PPP2R2D: variants seen among roughly 807,000 people sequenced by gnomAD.
PPP2R2D encodes serine/threonine-protein phosphatase 2A 55 kDa regulatory subunit B delta isoform.
A neutral mutation model predicts 31.1 loss-of-function variants in PPP2R2D; 9 were observed. The ratio of observed to expected loss-of-function variants is 0.29; its 90% CI spans 0.17 to 0.51. The LOEUF (loss-of-function observed/expected upper bound fraction) is 0.51, where lower values mean the gene tolerates loss of function less well. Ranked by LOEUF, PPP2R2D falls within the 20% of genes least tolerant of loss-of-function variation. PPP2R2D has a pLI of 0.98. For synonymous variants in PPP2R2D, 179 were observed against 172.6 expected (o/e 1.04, Z -0.29); for missense variants, 391 against 465.6 (o/e 0.84, Z 1.48).
chr10:131,965,012 G>A, the PPP2R2D span, among the ~76,000 whole-genome samples: 51 of 152,184 alleles, frequency 3.4e-4, no homozygotes, highest in Non-Finnish European at 6.2e-4. Flanking sequence ...GAGCAGTTAT[G>A]TGTTTTTCTT....
intron 2 of PPP2R2D, among the ~76,000 whole-genome samples, chr10:131,914,320 A>T (rs1554892782): frequency 6.6e-6 from 1 of 152,222 alleles, no homozygotes; most frequent in East Asian, 1.9e-4. Flanking sequence ...TGATCACACC[A>T]CTGCATTCCA....
chr10:131,910,464 A>T (rs1364796144), intron 2 of PPP2R2D, among the ~76,000 whole-genome samples: 1 of 152,234 alleles, frequency 6.6e-6, no homozygotes, highest in Non-Finnish European at 1.5e-5. Context: ...GGATTTTATC[A>T]TTGGTAACAA....
At chr10:131,929,068 A>G (rs1380639110) in intron 2 of PPP2R2D, among the ~76,000 whole-genome samples, 1 of 152,176 alleles carries the variant, frequency 6.6e-6, no homozygotes, top group Non-Finnish European at 1.5e-5. Context: ...CTCCAGATGC[A>G]GTTTCTGGAT....
chr10:131,951,961 G>C (rs1209583108), intron 8 of PPP2R2D, among the ~76,000 whole-genome samples: 1 of 152,138 alleles, frequency 6.6e-6, no homozygotes, highest in African/African-American at 2.4e-5. Context: ...GTGCAGGGGG[G>C]TCCCTGTCTT....
chr10:131,953,986 G>A (rs955562817), intron 8 of PPP2R2D, among the ~76,000 whole-genome samples: 5 of 152,188 alleles, frequency 3.3e-5, no homozygotes, highest in African/African-American at 7.2e-5. Context: ...TGAGGGATGC[G>A]ATGAAGGGGA....
At chr10:131,954,558 G>A (rs1554899612) in intron 8 of PPP2R2D, among the ~76,000 whole-genome samples, 1 of 152,170 alleles carries the variant, frequency 6.6e-6, no homozygotes, top group African/African-American at 2.4e-5. Context: ...GGCGCTGTGG[G>A]CTCCTGGATG....
At chr10:131,925,237 G>A (rs2036082241) in intron 2 of PPP2R2D, among the ~76,000 whole-genome samples, 1 of 152,126 alleles carries the variant, frequency 6.6e-6, no homozygotes, top group Admixed American at 6.5e-5. Context: ...CTGCTTTTAG[G>A]GGAAAAGCCT....
intron 5 of PPP2R2D, among the ~76,000 whole-genome samples, chr10:131,942,758 G>T (rs2036463432): frequency 6.6e-6 from 1 of 152,118 alleles, no homozygotes; most frequent in Non-Finnish European, 1.5e-5. Context: ...ATAAAAGAAG[G>T]AATCTTTGTA....
chr10:131,936,747 T>C (rs2036348295), intron 3 of PPP2R2D, among the ~76,000 whole-genome samples: 1 of 152,190 alleles, frequency 6.6e-6, no homozygotes, highest in Non-Finnish European at 1.5e-5. Flanking sequence ...GTTATGTGAG[T>C]GACAGATTTA....
downstream of PPP2R2D, among the ~76,000 whole-genome samples, chr10:131,960,587 G>A (rs1366767888): frequency 1.3e-5 from 2 of 152,144 alleles, no homozygotes; most frequent in East Asian, 3.9e-4. Context: ...AGTGCCAGAA[G>A]CCTCCCAAAG....
In PPP2R2D at chr10:131,947,458, T is replaced by C; in HGVS notation, c.821-72T>C. The C allele has an allele frequency of 6.6e-7, 1 of 1,512,678 alleles. No homozygotes were observed. Among genetic ancestry groups the C allele is most frequent in the Non-Finnish European group, 8.9e-7 (1 of 1,122,298 alleles). The allele number at this position is 1,512,678 out of a possible 1,614,324, so 93.7% of individuals were successfully genotyped here. ...GAGTCTCTCTGAAGGGGCCACTTCC[T>C]ACTTGAACTTGAAAATGATTTGTTC... On this transcript the variant is annotated intron_variant, in intron 7 of 8. Coordinates refer to ENST00000455566, the MANE Select transcript of PPP2R2D (RefSeq NM_018461.5). The surrounding 1 kb of genome is among the most constrained non-coding windows in gnomAD (Gnocchi z 4.3).
At chr10:131,970,882 G>T in the PPP2R2D span, 2 of 1,614,164 alleles carry the variant, frequency 1.2e-6, no homozygotes, top group Non-Finnish European at 1.7e-6. The surrounding 1 kb of genome is among the most constrained non-coding windows in gnomAD (Gnocchi z 4.1). Context: ...AATATTTTCC[G>T]GCCGACTTGA....
rs1316022452 is a variant in PPP2R2D at position 131,940,032 on chromosome 10, A to G, written c.200A>G (p.Asn67Ser). 2.6e-5 allele frequency: 19 copies of G among 731,284 alleles called. No homozygotes were observed. The East Asian group carries it at 4.7e-4, about 18-fold the overall frequency. The allele number at this position is 731,284 out of a possible 1,614,324, so 45.3% of individuals were successfully genotyped here. A position where few individuals can be genotyped will look rare whatever the true frequency, so the allele number is the denominator to read the frequency against. The change falls in exon 4 of 9, where the codon AAT (asparagine) becomes AGT (serine). Residue 67 changes from asparagine to serine, a missense_variant and splice_region_variant. Coordinates refer to ENST00000455566, the MANE Select transcript of PPP2R2D (RefSeq NM_018461.5). ...AACAGCTCTCATGTTTCCTTGCAGA[A>G]TAAAAGCCGCCCTCATTCTAGGGGA... ...RVVIFQREQE[N>S]KSRPHSRGEY...
chr10:131,961,852 T>C (rs1447001109), downstream of PPP2R2D, among the ~76,000 whole-genome samples: 7 of 151,650 alleles, frequency 4.6e-5, no homozygotes, highest in Admixed American at 2.6e-4. Context: ...TTACATTATC[T>C]TAAGGACTGA....
At chr10:131,917,602 CACGT>C (rs1554893405) in intron 2 of PPP2R2D, among the ~76,000 whole-genome samples, 4 of 130,484 alleles carry the variant, frequency 3.1e-5, no homozygotes, top group African/African-American at 1.2e-4. Flanking sequence ...GTAGGGACCT[CACGT>C]GGGTGGAATG....
rs1045928880 is a variant in PPP2R2D, at chr10:131,903,351, C to T, written c.100+2021C>T. Among the ~76,000 whole-genome samples, 11 of 151,490 alleles carry T rather than the reference C, an allele frequency of 7.3e-5. No individual in the cohort carries two copies. In the South Asian group the frequency reaches 1.0e-3, roughly 14 times the overall value. ...GCGTGGTGGCACATGCATGTAATCC[C>T]AGCTACCTGGGAGGCTGAGGCAGGA... On this transcript the variant is annotated intron_variant, in intron 2 of 8. Transcript: ENST00000455566.
At chr10:131,904,443 G>C (rs1236942336) in intron 2 of PPP2R2D, among the ~76,000 whole-genome samples, 1 of 151,896 alleles carries the variant, frequency 6.6e-6, no homozygotes, top group Non-Finnish European at 1.5e-5. Flanking sequence ...CCGGGAGGCA[G>C]AGCTTGCAGT....
At chr10:131,903,487 A>G (rs2035534961) in intron 2 of PPP2R2D, among the ~76,000 whole-genome samples, 1 of 151,902 alleles carries the variant, frequency 6.6e-6, no homozygotes, top group African/African-American at 2.4e-5. Flanking sequence ...AAAAAAAAAA[A>G]AAATCTTGAC....
intron 2 of PPP2R2D, among the ~76,000 whole-genome samples, chr10:131,915,685 C>T (rs571301979): frequency 2.0e-5 from 3 of 152,312 alleles, no homozygotes; most frequent in East Asian, 1.9e-4. Context: ...GCAGCTCTGC[C>T]GTGGCCGCGC....
Sources: gnomAD v4.1 joint callset for allele counts (sites outside exome capture counted in the v4.1 genomes callset) on GRCh38, gnomAD v4.1.1 for gene constraint, Gnocchi (gnomAD v3.1) non-coding constraint, MANE v1.5 for transcripts, NCBI Gene and HGNC (gene_info 2026-07-23, HGNC 2026-07-21) for gene names.